Variants in SGCD observed in about 807,000 individuals in gnomAD.
The protein encoded by SGCD is sarcoglycan delta.
A neutral mutation model predicts 36.6 loss-of-function variants in SGCD; 18 were observed. That is an observed-to-expected ratio of 0.49 (90% CI 0.34 to 0.73). The LOEUF (loss-of-function observed/expected upper bound fraction) is 0.73. Ranked by LOEUF, SGCD falls within the 30% of genes least tolerant of loss-of-function variation. The pLI is 0.01. For missense variants in SGCD, 387 were observed against 346.7 expected, an observed-to-expected ratio of 1.12 and a Z score of -0.92; for synonymous variants, 133 against 130.6, an observed-to-expected ratio of 1.02 and a Z score of -0.12.
At chr5:156,518,966 C>T (rs768146311) in intron 4 of SGCD, among the ~76,000 whole-genome samples, 1 of 151,778 alleles carries the variant, frequency 6.6e-6, no homozygotes, top group Non-Finnish European at 1.5e-5. Flanking sequence ...AGCAAACAAA[C>T]CCCTAAGCTA....
At chr5:156,459,638 A>G (rs1313088636) in intron 3 of SGCD, among the ~76,000 whole-genome samples, 3 of 152,184 alleles carry the variant, frequency 2.0e-5, no homozygotes, top group Non-Finnish European at 2.9e-5. Flanking sequence ...TAAGTGCTTG[A>G]TGATTTAAAG....
intron 1 of SGCD, among the ~76,000 whole-genome samples, chr5:155,892,426 G>T (rs1012872996): frequency 1.5e-5 from 2 of 130,862 alleles, no homozygotes; most frequent in African/African-American, 2.9e-5. Context: ...CTGCACTCCA[G>T]TCTGGCAACA....
intron 3 of SGCD, among the ~76,000 whole-genome samples, chr5:156,256,198 CTG>C (rs10593621): frequency 0.79 from 119,791 of 151,978 alleles, 47,635 homozygotes; most frequent in East Asian, 0.92. Flanking sequence ...AATAAAAACT[CTG>C]TTATTTTGTT....
At chr5:156,494,434 C>G (rs1414670139) in intron 3 of SGCD, among the ~76,000 whole-genome samples, 1 of 147,502 alleles carries the variant, frequency 6.8e-6, no homozygotes, top group Non-Finnish European at 1.5e-5. Context: ...ATGGATTTTG[C>G]TAGGCAAAGG....
intron 3 of SGCD, among the ~76,000 whole-genome samples, chr5:156,129,257 T>A (rs974524462): frequency 1.3e-5 from 2 of 152,368 alleles, no homozygotes; most frequent in African/African-American, 2.4e-5. Flanking sequence ...TGCTTTTCTT[T>A]AAATGCATAA....
intron 3 of SGCD, among the ~76,000 whole-genome samples, chr5:156,383,270 G>A (rs778589842): frequency 3.5e-4 from 53 of 152,216 alleles, no homozygotes; most frequent in Middle Eastern, 3.4e-3. Flanking sequence ...TTGGGAGGCC[G>A]AGGCAGGCAG....
chr5:156,289,909 T>G (rs1001319024), intron 3 of SGCD, among the ~76,000 whole-genome samples: 1 of 152,090 alleles, frequency 6.6e-6, no homozygotes, highest in Non-Finnish European at 1.5e-5. Context: ...TCTTTATATA[T>G]AGGTAATAAT....
chr5:155,829,339 A>G, the SGCD span, among the ~76,000 whole-genome samples: 1 of 152,186 alleles, frequency 6.6e-6, no homozygotes, highest in Non-Finnish European at 1.5e-5. Flanking sequence ...AGTTGTTTTG[A>G]AAACTCGTGA....
intron 1 of SGCD, among the ~76,000 whole-genome samples, chr5:155,988,016 C>A (rs1758363592): frequency 6.6e-6 from 1 of 152,180 alleles, no homozygotes; most frequent in African/African-American, 2.4e-5. Context: ...TATTACTATT[C>A]CACATTGCAG....
intron 3 of SGCD, among the ~76,000 whole-genome samples, chr5:156,361,266 C>T (rs1235699269): frequency 1.3e-5 from 2 of 152,210 alleles, no homozygotes; most frequent in African/African-American, 2.4e-5. Context: ...AAAAATCTTG[C>T]ACCAAAAGGA....
At chr5:156,260,388 T>C (rs1765827812) in intron 3 of SGCD, among the ~76,000 whole-genome samples, 1 of 152,160 alleles carries the variant, frequency 6.6e-6, no homozygotes, top group Non-Finnish European at 1.5e-5. Flanking sequence ...CATTTAGATA[T>C]CAATTTCTAG....
intron 3 of SGCD, among the ~76,000 whole-genome samples, chr5:156,439,949 C>T (rs1208832403): frequency 6.6e-6 from 1 of 152,114 alleles, no homozygotes; most frequent in Non-Finnish European, 1.5e-5. Flanking sequence ...ACCCATCCTA[C>T]AGAAAGTCAG....
chr5:156,101,728 A>G (rs17626481), intron 1 of SGCD, among the ~76,000 whole-genome samples: 30,164 of 152,076 alleles, frequency 0.2, 3,383 homozygotes, highest in Non-Finnish European at 0.25. Flanking sequence ...TCTGGCTGTA[A>G]CTCAAACTGC....
chr5:155,988,314 C>T (rs1396507392), intron 1 of SGCD, among the ~76,000 whole-genome samples: 1 of 152,092 alleles, frequency 6.6e-6, no homozygotes, highest in African/African-American at 2.4e-5. Flanking sequence ...CCTTTCCTTT[C>T]GTTAGAAAAA....
rs139944961 is a variant in SGCD, at chr5:156,290,094, T to C, written c.-43-39440T>C. Reference sequence around the variant, plus strand: ...CTTTGTACATTAATATCAATGATGATAATAATAGCAAACACTTAGTGCTAG... The same window carrying C: ...CTTTGTACATTAATATCAATGATGACAATAATAGCAAACACTTAGTGCTAG... On this transcript the variant is annotated intron_variant, in intron 3 of 9. Coordinates refer to the SGCD transcript ENST00000517913. Among the ~76,000 whole-genome samples, 219 of 152,298 alleles carry C rather than the reference T, an allele frequency of 1.4e-3. 2 individuals are homozygous for C. The highest frequency in any genetic ancestry group is 4.6e-3 in the African/African-American group (191 of 41,576).
At chr5:155,849,643 G>A in the SGCD span, among the ~76,000 whole-genome samples, 1 of 152,116 alleles carries the variant, frequency 6.6e-6, no homozygotes, top group South Asian at 2.1e-4. Context: ...TGTTTCAGTA[G>A]CAATTTCAAT....
intron 3 of SGCD, among the ~76,000 whole-genome samples, chr5:156,183,546 T>C (rs1315875097): frequency 2.0e-5 from 3 of 152,086 alleles, no homozygotes; most frequent in Non-Finnish European, 2.9e-5. Context: ...TAGCTAGGAT[T>C]ACAGGCATGC....
At chr5:156,396,566 T>C (rs878886507) in intron 3 of SGCD, among the ~76,000 whole-genome samples, 2 of 152,122 alleles carry the variant, frequency 1.3e-5, no homozygotes, top group Admixed American at 1.3e-4. Flanking sequence ...GCCAACAGTA[T>C]TGATTGGTTA....
intron 3 of SGCD, among the ~76,000 whole-genome samples, chr5:156,234,815 T>A (rs1765114650): frequency 6.6e-6 from 1 of 152,186 alleles, no homozygotes; most frequent in Non-Finnish European, 1.5e-5. Flanking sequence ...GATCTGAGTA[T>A]AATGCCAATA....
Sources: gnomAD v4.1 joint callset for allele counts (sites outside exome capture counted in the v4.1 genomes callset) on GRCh38, gnomAD v4.1.1 for gene constraint, MANE v1.5 for transcripts, NCBI Gene and HGNC (gene_info 2026-07-23, HGNC 2026-07-21) for gene names.